Variants in ABR observed in about 807,000 individuals in gnomAD.
ABR encodes the protein active breakpoint cluster region-related protein.
Under a neutral mutation model 107.2 loss-of-function variants are expected in ABR, and 35 were observed. That is an observed-to-expected ratio of 0.33 (90% CI 0.25 to 0.43). The LOEUF is 0.43. Ranked by LOEUF, ABR falls within the 20% of genes least tolerant of loss-of-function variation. ABR has a pLI of 1.00. For synonymous variants in ABR, 498 were observed against 462.0 expected (o/e 1.08, Z -1.00); for missense variants, 815 against 1,115.2 (o/e 0.73, Z 3.83).
At chr17:1,068,570 C>A (rs1245244935) in intron 9 of ABR, among the ~76,000 whole-genome samples, 1 of 152,252 alleles carries the variant, frequency 6.6e-6, no homozygotes, top group African/African-American at 2.4e-5. Context: ...GTGTGCTTGG[C>A]ACACTGCAGT....
intron 1 of ABR, among the ~76,000 whole-genome samples, chr17:1,146,088 G>A (rs9901107): frequency 0.013 from 2,027 of 152,254 alleles, 35 homozygotes; most frequent in African/African-American, 0.046. Context: ...CCAATGTCTT[G>A]TGTCATTCAA....
At chr17:1,104,826 G>T (rs991776764) in intron 2 of ABR, among the ~76,000 whole-genome samples, 3 of 152,184 alleles carry the variant, frequency 2.0e-5, no homozygotes, top group Admixed American at 1.3e-4. Flanking sequence ...CCTCTCTCCT[G>T]AAGGGTGGAT....
chr17:1,190,609 C>T (rs928659646), upstream of ABR, among the ~76,000 whole-genome samples: 1 of 152,166 alleles, frequency 6.6e-6, no homozygotes, highest in African/African-American at 2.4e-5. Flanking sequence ...CACTGCACTC[C>T]AGCCTGGGCA....
In ABR at chr17:1,012,935, C is replaced by T. The variant is rs111972847; in HGVS notation, c.1852-138G>A. The T allele has an allele frequency of 3.3e-5, 35 of 1,059,490 alleles. No individual in the cohort carries two copies. In the African/African-American group the frequency reaches 4.1e-4, roughly 12 times the overall value. 65.6% of individuals were successfully genotyped at this position (1,059,490 alleles called of 1,614,324 possible). A position where few individuals can be genotyped will look rare whatever the true frequency, so the allele number is the denominator to read the frequency against. ...CAGGTCTCCCTCAACACAACACCTG[C>T]AGGACAGCAGCGGGCAGGGTGTGGG... On this transcript the variant is annotated intron_variant, in intron 17 of 22. Coordinates refer to ENST00000302538, the MANE Select transcript of ABR (RefSeq NM_021962.5).
At chr17:1,211,320 AAAAT>A (rs2042897562) in intron 1 of ABR, among the ~76,000 whole-genome samples, 5 of 150,560 alleles carry the variant, frequency 3.3e-5, no homozygotes, top group African/African-American at 1.2e-4. Context: ...TAAATAATGA[AAAAT>A]AAATAAAAAT....
intron 1 of ABR, among the ~76,000 whole-genome samples, chr17:1,173,088 C>T (rs536551126): frequency 2.3e-5 from 2 of 85,872 alleles, no homozygotes; most frequent in East Asian, 8.1e-4. Flanking sequence ...GTCCACCCCC[C>T]CCATCATCTC....
chr17:1,113,277 G>GGTTTTTTTTTTTTTTTTTT lies in ABR; in HGVS notation c.246+11905_246+11906insAAAAAAAAAAAAAAAAAAC, dbSNP rs1416563541. ...GGGATAACATGGAAACACCTATTGC[G>GGTTTTTTTTTTTTTTTTTT]ATTTTTTTTTTTTTTTTTTTTTTTT... On this transcript the variant is annotated intron_variant, in intron 2 of 22. Coordinates refer to ENST00000302538, the MANE Select transcript of ABR (RefSeq NM_021962.5). 3.4e-5 allele frequency among the ~76,000 whole-genome samples: 3 copies of GGTTTTTTTTTTTTTTTTTT among 88,172 alleles called. 1 individual carries two copies. 57.8% of individuals were successfully genotyped at this position (88,172 alleles called of 152,430 possible).
chr17:1,089,887 G>A (rs1374117150), intron 4 of ABR, among the ~76,000 whole-genome samples: 5 of 152,188 alleles, frequency 3.3e-5, no homozygotes, highest in South Asian at 2.1e-4. Flanking sequence ...TTGAACCCGC[G>A]AGGAGGAGGT....
chr17:1,219,776 AT>A (rs1454685216), intron 1 of ABR, among the ~76,000 whole-genome samples: 2 of 145,374 alleles, frequency 1.4e-5, no homozygotes, highest in African/African-American at 5.1e-5. Flanking sequence ...AAAATAATTG[AT>A]TTTTAAAACT....
At chr17:1,022,083 G>A (rs1317606280) in intron 16 of ABR, among the ~76,000 whole-genome samples, 1 of 127,892 alleles carries the variant, frequency 7.8e-6, no homozygotes, top group Non-Finnish European at 1.5e-5. Context: ...CTCCAGCCTG[G>A]GCAACAGAGC....
In ABR at chr17:1,194,676, T is replaced by C. The variant is rs1457986264; in HGVS notation, c.838+34117A>G. Among the ~76,000 whole-genome samples the C allele has an allele frequency of 2.5e-5, 3 of 120,734 alleles. 1 individual carries two copies. The highest frequency in any genetic ancestry group is 8.5e-3 in the Middle Eastern group (2 of 236). 79.2% of individuals were successfully genotyped at this position (120,734 alleles called of 152,430 possible). On this transcript the variant is annotated intron_variant, in intron 1 of 22. Transcript: ENST00000574139. ...CCAGCTAATTTTTTTTTTTTTAAGA[T>C]GGAGTCTCGCTCTGTTGCCCAGGCT...
At chr17:1,064,686 G>T (rs1443231517) in intron 10 of ABR, among the ~76,000 whole-genome samples, 1 of 128,748 alleles carries the variant, frequency 7.8e-6, no homozygotes, top group Non-Finnish European at 1.7e-5. Flanking sequence ...TGAACTGAGG[G>T]CTATACATGT....
chr17:1,209,422 A>G (rs927099501), intron 1 of ABR, among the ~76,000 whole-genome samples: 1 of 152,012 alleles, frequency 6.6e-6, no homozygotes, highest in Non-Finnish European at 1.5e-5. Context: ...GATTACAGGC[A>G]TGCGCCACCA....
chr17:1,183,145 G>A (rs753999654), upstream of ABR, among the ~76,000 whole-genome samples: 2 of 152,154 alleles, frequency 1.3e-5, no homozygotes, highest in Non-Finnish European at 2.9e-5. Flanking sequence ...GAGGAGCGGG[G>A]AGCTGTGGCA....
rs573120692 is a variant in ABR at position 1,168,710 on chromosome 17, C to T, written c.61+10957G>A. ...GGGGCTTGAGGACAGACACGGCAGG[C>T]ACCCACAACAAGGGCCTGGCTGTGC... On this transcript the variant is annotated intron_variant, in intron 1 of 22. Coordinates refer to ENST00000302538, the MANE Select transcript of ABR (RefSeq NM_021962.5). Among the ~76,000 whole-genome samples the T allele has an allele frequency of 3.9e-5, 6 of 152,366 alleles. No homozygotes were observed. The East Asian group carries it at 1.2e-3, about 29-fold the overall frequency.
At chr17:1,171,590 T>C (rs2041712188) in intron 1 of ABR, among the ~76,000 whole-genome samples, 1 of 152,028 alleles carries the variant, frequency 6.6e-6, no homozygotes, top group South Asian at 2.1e-4. Context: ...TGTCCACCTG[T>C]GACCTAGAGG....
At chr17:1,133,886 A>G (rs1442591396) in intron 1 of ABR, among the ~76,000 whole-genome samples, 1 of 152,202 alleles carries the variant, frequency 6.6e-6, no homozygotes, top group Non-Finnish European at 1.5e-5. Flanking sequence ...GACCTCTGGC[A>G]AGGCCCTGAC....
chr17:1,191,020 C>T (rs1567878547), upstream of ABR, among the ~76,000 whole-genome samples: 1 of 152,206 alleles, frequency 6.6e-6, no homozygotes, highest in Non-Finnish European at 1.5e-5. Flanking sequence ...TCTGCGGCTG[C>T]AGATTGCGCT....
At chr17:1,067,941 T>G (rs2034890571) in intron 9 of ABR, among the ~76,000 whole-genome samples, 1 of 152,214 alleles carries the variant, frequency 6.6e-6, no homozygotes. Context: ...TTAAATTATT[T>G]TTATTTTGTG....
Sources: gnomAD v4.1 joint callset for allele counts (sites outside exome capture counted in the v4.1 genomes callset) on GRCh38, gnomAD v4.1.1 for gene constraint, MANE v1.5 for transcripts, NCBI Gene and HGNC (gene_info 2026-07-23, HGNC 2026-07-21) for gene names.